The following AKAP19 variants were observed in gnomAD, a reference collection of about 807,000 sequenced individuals.
AKAP19 encodes the protein A-kinase anchoring protein 19.
the AKAP19 span, among the ~76,000 whole-genome samples, chr2:190,083,775 G>C: frequency 6.6e-6 from 1 of 152,198 alleles, no homozygotes; most frequent in African/African-American, 2.4e-5. Context: ...AGCAGGGAAA[G>C]TGGGATGTCA....
the AKAP19 span, chr2:189,923,631 G>C: frequency 2.5e-6 from 4 of 1,613,990 alleles, no homozygotes; most frequent in Non-Finnish European, 2.5e-6. Context: ...GGTGTGAAAC[G>C]ATCTGCAGCG....
At chr2:189,913,107 A>G in the AKAP19 span, among the ~76,000 whole-genome samples, 1 of 152,176 alleles carries the variant, frequency 6.6e-6, no homozygotes, top group Non-Finnish European at 1.5e-5. Flanking sequence ...ATATTAAAAT[A>G]TAGATATAGT....
At chr2:189,889,328 C>T in the AKAP19 span, among the ~76,000 whole-genome samples, 1 of 152,116 alleles carries the variant, frequency 6.6e-6, no homozygotes, top group Admixed American at 6.6e-5. Flanking sequence ...CTGACGCATT[C>T]GGCTTGCCAG....
the AKAP19 span, among the ~76,000 whole-genome samples, chr2:189,959,821 T>C: frequency 6.6e-6 from 1 of 152,318 alleles, no homozygotes; most frequent in East Asian, 1.9e-4. Flanking sequence ...AGCTTGAAAA[T>C]CCACTTACAG....
At chr2:189,984,352 A>G in the AKAP19 span, among the ~76,000 whole-genome samples, 1 of 152,186 alleles carries the variant, frequency 6.6e-6, no homozygotes, top group Non-Finnish European at 1.5e-5. Flanking sequence ...CATGCCGAGA[A>G]AAAGAATTCA....
the AKAP19 span, among the ~76,000 whole-genome samples, chr2:190,148,583 A>G: frequency 6.6e-6 from 1 of 152,156 alleles, no homozygotes; most frequent in African/African-American, 2.4e-5. Flanking sequence ...AAGGATTGGG[A>G]CCAATTCTCC....
At chr2:190,089,101 C>G in the AKAP19 span, among the ~76,000 whole-genome samples, 1 of 152,134 alleles carries the variant, frequency 6.6e-6, no homozygotes, top group Non-Finnish European at 1.5e-5. Flanking sequence ...TGATTGTGTG[C>G]AAATCACAGT....
At chr2:189,986,337 A>G in the AKAP19 span, among the ~76,000 whole-genome samples, 1 of 151,630 alleles carries the variant, frequency 6.6e-6, no homozygotes, top group African/African-American at 2.4e-5. Context: ...AATTTTGACT[A>G]TACAAATGCA....
At chr2:189,940,766 C>CCAGA in the AKAP19 span, among the ~76,000 whole-genome samples, 2 of 151,934 alleles carry the variant, frequency 1.3e-5, no homozygotes, top group Non-Finnish European at 2.9e-5. Context: ...TGGCGGACAC[C>CCAGA]TATAGGCCCA....
the AKAP19 span, among the ~76,000 whole-genome samples, chr2:190,128,615 T>C: frequency 6.6e-6 from 1 of 152,232 alleles, no homozygotes; most frequent in Non-Finnish European, 1.5e-5. Context: ...GATGTACGTC[T>C]TCAATGAATG....
At chr2:190,076,779 G>C in the AKAP19 span, among the ~76,000 whole-genome samples, 1 of 152,090 alleles carries the variant, frequency 6.6e-6, no homozygotes, top group African/African-American at 2.4e-5. Flanking sequence ...TACTGCTTTG[G>C]ATTCATTGAG....
chr2:189,934,697 A>G, the AKAP19 span, among the ~76,000 whole-genome samples: 1 of 151,376 alleles, frequency 6.6e-6, no homozygotes, highest in African/African-American at 2.4e-5. Context: ...ATTTTTTTCT[A>G]TAATTAATAC....
the AKAP19 span, among the ~76,000 whole-genome samples, chr2:190,143,369 C>T: frequency 2.0e-5 from 3 of 152,022 alleles, no homozygotes; most frequent in Non-Finnish European, 2.9e-5. Context: ...GAAATGTCCC[C>T]TCTTTCCAGG....
chr2:190,051,369 T>A, the AKAP19 span, among the ~76,000 whole-genome samples: 4 of 152,192 alleles, frequency 2.6e-5, no homozygotes, highest in Non-Finnish European at 5.9e-5. Flanking sequence ...AATATATATA[T>A]GGCCAGATTC....
At chr2:190,065,124 C>T in the AKAP19 span, among the ~76,000 whole-genome samples, 1 of 152,162 alleles carries the variant, frequency 6.6e-6, no homozygotes, top group Non-Finnish European at 1.5e-5. Context: ...CTATTTAGTG[C>T]CATGTTTTCA....
the AKAP19 span, among the ~76,000 whole-genome samples, chr2:190,117,848 A>G: frequency 6.6e-6 from 1 of 152,132 alleles, no homozygotes; most frequent in Non-Finnish European, 1.5e-5. Context: ...AATGTGCTAC[A>G]CTCACTGTCT....
At chr2:190,165,747 G>A in the AKAP19 span, among the ~76,000 whole-genome samples, 2 of 152,154 alleles carry the variant, frequency 1.3e-5, no homozygotes, top group African/African-American at 2.4e-5. Context: ...TAGCTGAACA[G>A]TATTTATGTT....
the AKAP19 span, among the ~76,000 whole-genome samples, chr2:189,944,926 T>G: frequency 6.6e-6 from 1 of 151,616 alleles, no homozygotes; most frequent in Non-Finnish European, 1.5e-5. Context: ...AAACTAGAAA[T>G]CAGTAAAAAA....
At chr2:190,108,513 G>A in the AKAP19 span, among the ~76,000 whole-genome samples, 2 of 152,152 alleles carry the variant, frequency 1.3e-5, no homozygotes, top group African/African-American at 2.4e-5. Context: ...ATTTGCCTGG[G>A]AATTATCCTT....
Sources: gnomAD v4.1 joint callset for allele counts (sites outside exome capture counted in the v4.1 genomes callset) on GRCh38, gnomAD v4.1.1 for gene constraint, MANE v1.5 for transcripts, NCBI Gene and HGNC (gene_info 2026-07-23, HGNC 2026-07-21) for gene names.